The following EPB42 variants were observed in gnomAD, a reference collection of about 807,000 sequenced individuals.
The protein encoded by EPB42 is protein 4.2.
Under a neutral mutation model 76.9 loss-of-function variants are expected in EPB42, and 49 were observed. The ratio of observed to expected loss-of-function variants is 0.64; its 90% CI spans 0.51 to 0.81. The LOEUF (loss-of-function observed/expected upper bound fraction) is 0.81. EPB42 is among the 30% of genes least tolerant of loss of function. The pLI is 0.00. For missense variants in EPB42, 731 were observed against 867.6 expected (o/e 0.84, Z 1.98); for synonymous variants, 310 against 338.4 (o/e 0.92, Z 0.92).
intron 2 of EPB42, among the ~76,000 whole-genome samples, chr15:43,215,980 C>T (rs2042372417): frequency 6.6e-6 from 1 of 152,254 alleles, no homozygotes; most frequent in South Asian, 2.1e-4. Flanking sequence ...GCGTGAGCCA[C>T]CACACCCGGC....
Position 43,201,915 on chromosome 15 carries a change from T to A in EPB42, c.1842A>T (p.Leu614=). 1 of 1,614,168 alleles carries A rather than the reference T, an allele frequency of 6.2e-7. No homozygotes were observed. Among genetic ancestry groups the A allele is most frequent in the Non-Finnish European group, 8.5e-7 (1 of 1,180,008 alleles). Residue 614 remains leucine (L), a synonymous_variant, in exon 12 of 13, where the codon CTA becomes CTT. Coordinates refer to ENST00000441366, the MANE Select transcript of EPB42 (RefSeq NM_001114134.2). ...LTASVSLQNS[L]DAPMEDCVIS... is the part of the protein sequence containing the mutation. Reference sequence around the variant, plus strand: ...TCACACAGTCCTCCATGGGGGCATCTAGGGAGTTCTGGAGGCTGACTGAGG... The same window carrying A: ...TCACACAGTCCTCCATGGGGGCATCAAGGGAGTTCTGGAGGCTGACTGAGG...
chr15:43,207,470 G>C (rs369735494), intron 8 of EPB42, 29 bp from the exon 9 acceptor site: 12 of 1,611,144 alleles, frequency 7.4e-6, no homozygotes, highest in African/African-American at 1.3e-5. Context: ...GGTGAGCATG[G>C]GAGCTGCGCC....
chr15:43,220,836 C>T lies in EPB42; in HGVS notation c.-11G>A, dbSNP rs1192983586. The T allele has an allele frequency of 7.5e-6, 12 of 1,609,854 alleles. No individual in the cohort carries two copies. The highest frequency in any genetic ancestry group is 2.2e-5 in the South Asian group (2 of 91,080). On this transcript the variant is annotated 5_prime_UTR_variant, in exon 1 of 13. Transcript: ENST00000441366. ...CTCACCCTGTCCCATGGTTGCAGGCCGCTCCTCTTATCCACTTGGCCGCAG... is the reference window on the plus strand; with the variant it reads ...CTCACCCTGTCCCATGGTTGCAGGCTGCTCCTCTTATCCACTTGGCCGCAG...
At chr15:43,225,732 T>C (rs1192328685), upstream of EPB42, among the ~76,000 whole-genome samples, 4 of 152,180 alleles carry the variant, frequency 2.6e-5, no homozygotes, top group Admixed American at 2.6e-4. Context: ...GTTTGAGTGC[T>C]CTTGGACCCA....
At chr15:43,224,673 T>C (rs1422640613), upstream of EPB42, among the ~76,000 whole-genome samples, 1 of 152,194 alleles carries the variant, frequency 6.6e-6, no homozygotes, top group East Asian at 1.9e-4. Context: ...AGGTATTAGG[T>C]AGATAAATTA....
rs1481399557 is a variant in EPB42, at chr15:43,203,170, A to G, written c.1724T>C (p.Leu575Pro). ...AATGTCTTCCTGAGCAAAGCAGCTA[A>G]GGTTGGATTCAGAGTGTGTTGCCAT... is the stretch of plus-strand genomic sequence containing the variant. ...TAMATHSESNLSCFAQEDIAI... is the reference protein window; with the variant it reads ...TAMATHSESNPSCFAQEDIAI... Residue 575 changes from leucine (L) to proline (P), a missense_variant, in exon 11 of 13, where the codon CTT becomes CCT. Coordinates refer to ENST00000441366, the MANE Select transcript of EPB42 (RefSeq NM_001114134.2). The G allele has an allele frequency of 6.2e-7, 1 of 1,613,880 alleles. No homozygotes were observed. The highest frequency in any genetic ancestry group is 8.5e-7 in the Non-Finnish European group (1 of 1,179,996).
chr15:43,213,054 T>A (rs950454036), intron 3 of EPB42, among the ~76,000 whole-genome samples: 1 of 152,152 alleles, frequency 6.6e-6, no homozygotes, highest in East Asian at 1.9e-4. Context: ...CAGACCCATA[T>A]GCCCAAGGAG....
intron 11 of EPB42, 64 bp downstream of exon 11, chr15:43,203,051 C>T: frequency 1.3e-6 from 2 of 1,599,046 alleles, no homozygotes; most frequent in Non-Finnish European, 1.7e-6. Context: ...GGCCTGGATT[C>T]CTTCTGAAAT....
At chr15:43,216,564 C>G in intron 1 of EPB42, 111 bp from the exon 2 acceptor site, 3 of 1,220,288 alleles carry the variant, frequency 2.5e-6, no homozygotes, top group Admixed American at 3.9e-5. Flanking sequence ...GCTCCACTTA[C>G]GTTTTAGCTG....
chr15:43,207,238 G>A lies in EPB42; in HGVS notation c.1279C>T (p.Arg427Cys), dbSNP rs45594632. 4.7e-3 allele frequency: 7,564 copies of A among 1,614,094 alleles called. 20 individuals carry two copies. Among genetic ancestry groups the A allele is most frequent in the Non-Finnish European group, 5.8e-3 (6,823 of 1,180,018 alleles). Reference protein sequence around the residue: ...NISTKGVGSDRCEDITQNYKY... With the variant: ...NISTKGVGSDCCEDITQNYKY... ...TAGTTCTGAGTGATGTCCTCGCAGC[G>A]GTCACTGCCCACACCCTTGGTGCTG... is the stretch of plus-strand genomic sequence containing the variant. Residue 427 changes from arginine (R) to cysteine (C), a missense_variant, in exon 9 of 13, where the codon CGC (arginine) becomes TGC (cysteine). Transcript: ENST00000441366.
At chr15:43,210,170 T>C (rs898021651) in intron 5 of EPB42, among the ~76,000 whole-genome samples, 165 bp downstream of exon 5, 2 of 152,200 alleles carry the variant, frequency 1.3e-5, no homozygotes, top group East Asian at 3.9e-4. Flanking sequence ...CTATTGCCTG[T>C]CTTTTTGTCC....
chr15:43,204,591 C>T (rs1051053099), intron 10 of EPB42, among the ~76,000 whole-genome samples: 3 of 152,292 alleles, frequency 2.0e-5, no homozygotes, highest in Middle Eastern at 3.4e-3. Flanking sequence ...TGCTCCTCCC[C>T]ATTTTTCCTA....
intron 12 of EPB42, among the ~76,000 whole-genome samples, chr15:43,200,017 G>A (rs761277181): frequency 2.6e-5 from 4 of 152,138 alleles, no homozygotes; most frequent in Non-Finnish European, 5.9e-5. Flanking sequence ...GCGTGAACAC[G>A]AACTAATATA....
rs1406718715 is a variant in EPB42, at chr15:43,220,083, CACCAG to C, written c.10+728_10+732del. On this transcript the variant is annotated intron_variant, in intron 1 of 12. Transcript: ENST00000441366. ...GTCTCAGCGTCAGTTGCCCTCCGCA[CACCAG>C]ACCAACCAGGGCAGGGGAGTGAGGC... Among the ~76,000 whole-genome samples the C allele has an allele frequency of 3.9e-5, 6 of 152,214 alleles. No individual in the cohort carries two copies. The East Asian group carries it at 1.2e-3, about 29-fold the overall frequency.
chr15:43,207,494 A>G, intron 8 of EPB42, 53 bp from the exon 9 acceptor site: 1 of 1,606,774 alleles, frequency 6.2e-7, no homozygotes, highest in African/African-American at 1.3e-5. Flanking sequence ...ACCTCTGCTC[A>G]GTTCAGAACT....
chr15:43,210,150 G>A (rs942153452), intron 5 of EPB42, among the ~76,000 whole-genome samples, 185 bp downstream of exon 5: 4 of 152,120 alleles, frequency 2.6e-5, no homozygotes, highest in Non-Finnish European at 5.9e-5. Flanking sequence ...TTTTCTCCCC[G>A]CTGTGGATGC....
upstream of EPB42, chr15:43,221,091 A>T: frequency 2.6e-5 from 12 of 461,930 alleles, no homozygotes; most frequent in East Asian, 4.3e-5. Flanking sequence ...TTGTGCCAGG[A>T]GGCCCAGGCA....
chr15:43,222,954 A>G (rs1220455196), upstream of EPB42, among the ~76,000 whole-genome samples: 1 of 152,252 alleles, frequency 6.6e-6, no homozygotes, highest in African/African-American at 2.4e-5. Context: ...TGCAAAACTC[A>G]GAAGACAAAA....
chr15:43,212,684 T>A (rs2042319271), intron 3 of EPB42, among the ~76,000 whole-genome samples: 1 of 152,188 alleles, frequency 6.6e-6, no homozygotes, highest in Non-Finnish European at 1.5e-5. Flanking sequence ...CAAGTGAGTC[T>A]AGGGCTCCCT....
Sources: gnomAD v4.1 joint callset for allele counts (sites outside exome capture counted in the v4.1 genomes callset) on GRCh38, gnomAD v4.1.1 for gene constraint, MANE v1.5 for transcripts, NCBI Gene and HGNC (gene_info 2026-07-23, HGNC 2026-07-21) for gene names.